RBFOX1: variants seen among roughly 807,000 people sequenced by gnomAD.
RBFOX1 encodes the protein RNA binding fox-1 homolog 1.
In RBFOX1, 8 loss-of-function variants were observed where a neutral mutation model predicts 57.7. The observed-to-expected ratio is 0.14, with a 90% CI of 0.08 to 0.25. The LOEUF is 0.25. Among genes scored for constraint, RBFOX1 ranks in the 10% least tolerant of loss-of-function variants. RBFOX1 has a pLI of 1.00. For missense variants in RBFOX1, 611 were observed against 548.5 expected (o/e 1.11, Z -1.14); for synonymous variants, 326 against 222.4 (o/e 1.47, Z -4.15).
chr16:7,186,705 G>C (rs992371775), intron 4 of RBFOX1, among the ~76,000 whole-genome samples: 2 of 148,330 alleles, frequency 1.3e-5, no homozygotes, highest in African/African-American at 2.5e-5. Flanking sequence ...AAGTTTCATG[G>C]TATCTAGGAA....
intron 2 of RBFOX1, among the ~76,000 whole-genome samples, chr16:5,512,621 T>C (rs1273880394): frequency 1.3e-5 from 2 of 152,186 alleles, no homozygotes; most frequent in Non-Finnish European, 2.9e-5. Flanking sequence ...TAGTAAACCA[T>C]TTATTTTGGA....
intron 3 of RBFOX1, among the ~76,000 whole-genome samples, chr16:6,681,215 G>C (rs903488111): frequency 1.3e-5 from 2 of 152,152 alleles, no homozygotes; most frequent in Admixed American, 1.3e-4. Flanking sequence ...GGGAGGTTGA[G>C]GCAGGAGCAT....
At chr16:7,019,146 C>A (rs1381950917) in intron 3 of RBFOX1, among the ~76,000 whole-genome samples, 1 of 151,870 alleles carries the variant, frequency 6.6e-6, no homozygotes, top group East Asian at 1.9e-4. Flanking sequence ...TTGAAAATAA[C>A]CATTCCTTTG....
At chr16:6,321,184 T>C (rs2081745287) in intron 2 of RBFOX1, among the ~76,000 whole-genome samples, 1 of 152,228 alleles carries the variant, frequency 6.6e-6, no homozygotes, top group Non-Finnish European at 1.5e-5. Context: ...ATATACTGTA[T>C]AGTAATCAGG....
intron 3 of RBFOX1, among the ~76,000 whole-genome samples, chr16:5,605,957 GC>G (rs2151225107): frequency 6.6e-6 from 1 of 152,202 alleles, no homozygotes; most frequent in South Asian, 2.1e-4. Context: ...CTTTCCCATT[GC>G]TTCTCTTTCT....
At chr16:6,318,762 A>T (rs1288371658) in intron 2 of RBFOX1, among the ~76,000 whole-genome samples, 2 of 152,144 alleles carry the variant, frequency 1.3e-5, no homozygotes, top group South Asian at 2.1e-4. Context: ...GAGAGACATT[A>T]AAAAAAGTAT....
intron 3 of RBFOX1, among the ~76,000 whole-genome samples, chr16:6,729,090 C>G (rs963663416): frequency 6.6e-6 from 1 of 152,138 alleles, no homozygotes; most frequent in Non-Finnish European, 1.5e-5. Flanking sequence ...AAGTGAATAG[C>G]TTCTGTTGAA....
chr16:6,146,636 G>A lies in RBFOX1; in HGVS notation c.-127+126644G>A, dbSNP rs1052044003. Among the ~76,000 whole-genome samples the A allele has an allele frequency of 4.6e-5, 7 of 152,272 alleles. No individual in the cohort carries two copies. The East Asian group carries it at 5.8e-4, about 13-fold the overall frequency. On this transcript the variant is annotated intron_variant, in intron 1 of 15. Coordinates refer to ENST00000550418, the MANE Select transcript of RBFOX1 (RefSeq NM_018723.4). Reference sequence around the variant, plus strand: ...GTGTAAAATATAAAGTCCTTAGGACGATGCTGGGCATGGAATAGGATTCAA... The same window carrying A: ...GTGTAAAATATAAAGTCCTTAGGACAATGCTGGGCATGGAATAGGATTCAA...
chr16:7,339,298 G>T (rs2145044079), intron 4 of RBFOX1, among the ~76,000 whole-genome samples: 1 of 152,272 alleles, frequency 6.6e-6, no homozygotes, highest in Middle Eastern at 3.4e-3. Flanking sequence ...CTGTGAACTA[G>T]GACTAGGTGA....
intron 4 of RBFOX1, among the ~76,000 whole-genome samples, chr16:7,312,961 G>A (rs970133933): frequency 1.3e-5 from 2 of 152,010 alleles, no homozygotes; most frequent in Non-Finnish European, 2.9e-5. Flanking sequence ...GTCTGGGAGG[G>A]TACCCTAGTT....
At chr16:6,052,950 C>G (rs1025525127) in intron 1 of RBFOX1, among the ~76,000 whole-genome samples, 3 of 152,020 alleles carry the variant, frequency 2.0e-5, no homozygotes, top group African/African-American at 7.2e-5. Flanking sequence ...AGTTCATCAT[C>G]TTACTGTTGT....
At chr16:7,486,232 C>T (rs1185609423) in intron 4 of RBFOX1, among the ~76,000 whole-genome samples, 1 of 146,202 alleles carries the variant, frequency 6.8e-6, no homozygotes, top group Non-Finnish European at 1.5e-5. Context: ...AAGTGATTCT[C>T]CTGCCTCAGC....
At chr16:7,300,221 C>T (rs1732029011) in intron 4 of RBFOX1, among the ~76,000 whole-genome samples, 1 of 151,914 alleles carries the variant, frequency 6.6e-6, no homozygotes, top group Admixed American at 6.6e-5. Flanking sequence ...TGCTGCCCCT[C>T]CCCCACCCAC....
rs149346246 is a variant in RBFOX1, at chr16:5,424,189, G to T, written c.220-43027G>T. 2.4e-3 allele frequency among the ~76,000 whole-genome samples: 371 copies of T among 152,212 alleles called. 1 individual carries two copies. The highest frequency in any genetic ancestry group is 8.6e-3 in the African/African-American group (357 of 41,518). On this transcript the variant is annotated intron_variant, in intron 1 of 2. Coordinates refer to the RBFOX1 transcript ENST00000585867. Reference sequence around the variant, plus strand: ...TGCACTCTCTCTCTCGTTCTCTCTCGTTTGTTGAATTTCTTAGCACACTGT... The same window carrying T: ...TGCACTCTCTCTCTCGTTCTCTCTCTTTTGTTGAATTTCTTAGCACACTGT...
chr16:5,693,932 C>T (rs1236847459), intron 3 of RBFOX1, among the ~76,000 whole-genome samples: 1 of 152,214 alleles, frequency 6.6e-6, no homozygotes, highest in Admixed American at 6.5e-5. Context: ...TCACAGGTGG[C>T]AATGGCCTTG....
intron 1 of RBFOX1, among the ~76,000 whole-genome samples, chr16:5,409,631 C>G (rs1197251236): frequency 6.6e-6 from 1 of 152,202 alleles, no homozygotes; most frequent in African/African-American, 2.4e-5. Flanking sequence ...GTGAACCAAA[C>G]TGGCCAGGCT....
At chr16:7,487,359 A>T (rs1785302893) in intron 4 of RBFOX1, among the ~76,000 whole-genome samples, 1 of 152,112 alleles carries the variant, frequency 6.6e-6, no homozygotes, top group African/African-American at 2.4e-5. Context: ...GGGTCATTGT[A>T]CTTCATATCA....
chr16:6,318,155 G>GGGTATTA (rs2081333919), intron 2 of RBFOX1, among the ~76,000 whole-genome samples: 1 of 152,058 alleles, frequency 6.6e-6, no homozygotes, highest in South Asian at 2.1e-4. Context: ...TAAAAAGATG[G>GGGTATTA]TGTATTAGCT....
At chr16:7,520,612 G>T (rs1191190104) in intron 5 of RBFOX1, among the ~76,000 whole-genome samples, 1 of 152,146 alleles carries the variant, frequency 6.6e-6, no homozygotes, top group African/African-American at 2.4e-5. Flanking sequence ...CCACATTCTG[G>T]TTCTTCTGAA....
Sources: allele counts gnomAD v4.1 joint callset (sites outside exome capture counted in the v4.1 genomes callset), GRCh38; gene constraint gnomAD v4.1.1; transcripts MANE v1.5; gene names NCBI Gene and HGNC (gene_info 2026-07-23, HGNC 2026-07-21).